The following PRKAR2A variants were observed in gnomAD, a reference collection of about 807,000 sequenced individuals.
PRKAR2A encodes cAMP-dependent protein kinase type II-alpha regulatory subunit.
In PRKAR2A, 29 loss-of-function variants were observed where a neutral mutation model predicts 51.9. The observed-to-expected ratio is 0.56, with a 90% CI of 0.42 to 0.76. The LOEUF (loss-of-function observed/expected upper bound fraction) is 0.76. PRKAR2A is among the 30% of genes least tolerant of loss of function. The pLI is 0.00. For synonymous variants in PRKAR2A, 178 were observed against 186.2 expected, an observed-to-expected ratio of 0.96 and a Z score of 0.36; for missense variants, 445 against 512.1, an observed-to-expected ratio of 0.87 and a Z score of 1.26.
At chr3:48,755,385 T>C (rs2081744219) in intron 9 of PRKAR2A, among the ~76,000 whole-genome samples, 2 of 152,090 alleles carry the variant, frequency 1.3e-5, no homozygotes, top group African/African-American at 2.4e-5. Context: ...ACACTCTGTA[T>C]TCTCAAAAAA....
intron 1 of PRKAR2A, among the ~76,000 whole-genome samples, chr3:48,842,939 A>G (rs2083403362): frequency 6.6e-6 from 1 of 152,178 alleles, no homozygotes; most frequent in African/African-American, 2.4e-5. Context: ...AAAATGAGTT[A>G]GGGAGGATTC....
intron 1 of PRKAR2A, among the ~76,000 whole-genome samples, chr3:48,811,739 A>C (rs188885775): frequency 6.6e-6 from 1 of 152,190 alleles, no homozygotes; most frequent in Non-Finnish European, 1.5e-5. Context: ...CCGTGGGTGC[A>C]TAACATTGTG....
At chr3:48,792,455 C>CTTTTTTTTTTT (rs983032500) in intron 3 of PRKAR2A, among the ~76,000 whole-genome samples, 1 of 66,808 alleles carries the variant, frequency 1.5e-5, no homozygotes, top group Non-Finnish European at 2.8e-5. Context: ...AAGGTTTAAT[C>CTTTTTTTTTTT]TTTTTTTTTT....
At chr3:48,780,577 T>G (rs1339419893) in intron 5 of PRKAR2A, among the ~76,000 whole-genome samples, 1 of 135,434 alleles carries the variant, frequency 7.4e-6, no homozygotes, top group East Asian at 2.1e-4. Flanking sequence ...CACTCCAGCC[T>G]GAGCGACAGA....
intron 1 of PRKAR2A, among the ~76,000 whole-genome samples, chr3:48,832,167 G>A (rs376274081): frequency 5.9e-5 from 9 of 151,558 alleles, no homozygotes; most frequent in East Asian, 2.0e-4. Context: ...GGTGGCGGGC[G>A]CCTGTAATCC....
intron 6 of PRKAR2A, 117 bp downstream of exon 6, chr3:48,772,838 T>G: frequency 9.1e-7 from 1 of 1,098,456 alleles, no homozygotes; most frequent in East Asian, 2.7e-5. Context: ...GAGATGGGGT[T>G]TCACCGTGTT....
chr3:48,841,009 G>A (rs1390243097), intron 1 of PRKAR2A, among the ~76,000 whole-genome samples: 2 of 149,940 alleles, frequency 1.3e-5, no homozygotes, highest in African/African-American at 4.9e-5. Flanking sequence ...AGCCTCCCGA[G>A]TAGCTGGGAT....
At chr3:48,761,763 C>T (rs1026923574) in intron 8 of PRKAR2A, among the ~76,000 whole-genome samples, 1 of 152,128 alleles carries the variant, frequency 6.6e-6, no homozygotes, top group Non-Finnish European at 1.5e-5. Flanking sequence ...CAGTTGTGCA[C>T]CAGCAAACTC....
intron 1 of PRKAR2A, among the ~76,000 whole-genome samples, chr3:48,838,186 C>A (rs1429019694): frequency 5.3e-5 from 8 of 150,968 alleles, no homozygotes; most frequent in African/African-American, 1.7e-4. Flanking sequence ...CAAAAAAAAA[C>A]AACAACAACA....
chr3:48,770,263 C>T (rs1398539787), intron 6 of PRKAR2A, among the ~76,000 whole-genome samples: 1 of 152,138 alleles, frequency 6.6e-6, no homozygotes, highest in Non-Finnish European at 1.5e-5. Context: ...GGCAAGCAAA[C>T]ACCCCTGAAG....
chr3:48,800,152 C>T (rs780226308), intron 2 of PRKAR2A, among the ~76,000 whole-genome samples: 4 of 151,668 alleles, frequency 2.6e-5, no homozygotes, highest in African/African-American at 7.3e-5. Flanking sequence ...GCCACCACGT[C>T]GGCCGACAAA....
intron 2 of PRKAR2A, among the ~76,000 whole-genome samples, chr3:48,801,736 G>A (rs1266684473): frequency 1.3e-5 from 2 of 151,340 alleles, no homozygotes; most frequent in African/African-American, 2.4e-5. Flanking sequence ...GCTAATTTTT[G>A]TATTTTTTTG....
At chr3:48,828,708 C>CAAAAAAAAAA (rs547132768) in intron 1 of PRKAR2A, among the ~76,000 whole-genome samples, 1 of 83,452 alleles carries the variant, frequency 1.2e-5, no homozygotes, top group African/African-American at 4.7e-5. Flanking sequence ...CCCCTGTCTC[C>CAAAAAAAAAA]AAAAAAAAAA....
intron 1 of PRKAR2A, among the ~76,000 whole-genome samples, chr3:48,829,872 T>TATATATATATATATA (rs1491401730): frequency 3.5e-4 from 21 of 59,694 alleles, no homozygotes; most frequent in South Asian, 1.3e-3. Context: ...TATATATATA[T>TATATATATATATATA]TTTTTTTTTT....
chr3:48,761,561 T>G (rs2081863446), intron 8 of PRKAR2A, among the ~76,000 whole-genome samples: 2 of 152,214 alleles, frequency 1.3e-5, no homozygotes, highest in Admixed American at 6.5e-5. Context: ...CTGAGTTAAA[T>G]GAAATATATT....
At chr3:48,840,499 T>C (rs1159103179) in intron 1 of PRKAR2A, among the ~76,000 whole-genome samples, 1 of 150,216 alleles carries the variant, frequency 6.7e-6, no homozygotes, top group Non-Finnish European at 1.5e-5. Flanking sequence ...GTCTTATGTA[T>C]ATATATACCA....
intron 6 of PRKAR2A, among the ~76,000 whole-genome samples, chr3:48,772,664 G>A (rs940488985): frequency 2.6e-5 from 4 of 150,994 alleles, no homozygotes; most frequent in South Asian, 2.1e-4. Flanking sequence ...TTTTTGAGAC[G>A]GAGTCTCGCT....
chr3:48,829,028 G>A (rs966630637), intron 1 of PRKAR2A, among the ~76,000 whole-genome samples: 1 of 151,602 alleles, frequency 6.6e-6, no homozygotes, highest in African/African-American at 2.4e-5. Flanking sequence ...TAGAGACGGG[G>A]TTTCACCATG....
intron 3 of PRKAR2A, among the ~76,000 whole-genome samples, chr3:48,791,286 A>T (rs1450897985): frequency 1.1e-5 from 1 of 90,372 alleles, no homozygotes; most frequent in Admixed American, 1.1e-4. Context: ...ATTCCATCTT[A>T]AAAAAAAAAA....
Sources: allele counts gnomAD v4.1 joint callset (sites outside exome capture counted in the v4.1 genomes callset), GRCh38; gene constraint gnomAD v4.1.1; transcripts MANE v1.5; gene names NCBI Gene and HGNC (gene_info 2026-07-23, HGNC 2026-07-21).